The following PTPRZ1 variants were observed in gnomAD, a reference collection of about 807,000 sequenced individuals.
PTPRZ1 encodes receptor-type tyrosine-protein phosphatase zeta.
A neutral mutation model predicts 214.1 loss-of-function variants in PTPRZ1; 82 were observed. The observed-to-expected ratio is 0.38, with a 90% confidence interval of 0.32 to 0.46. The LOEUF is 0.46. PTPRZ1 is among the 20% of genes least tolerant of loss of function. The pLI, the probability that PTPRZ1 is intolerant of heterozygous loss-of-function variation, is 1.00. For missense variants in PTPRZ1, 2,603 were observed against 2,748.7 expected (o/e 0.95, Z 1.19); for synonymous variants, 945 against 987.9 (o/e 0.96, Z 0.81).
chr7:121,931,986 A>C (rs1327982706), intron 2 of PTPRZ1, among the ~76,000 whole-genome samples: 1 of 152,164 alleles, frequency 6.6e-6, no homozygotes, highest in Non-Finnish European at 1.5e-5. Context: ...GTGAGGATGG[A>C]AGCTTACCAA....
chr7:121,972,120 G>A (rs1797267357), intron 3 of PTPRZ1, among the ~76,000 whole-genome samples: 1 of 152,046 alleles, frequency 6.6e-6, no homozygotes, highest in African/African-American at 2.4e-5. Flanking sequence ...GTAGAAATGG[G>A]CTGAAAATAG....
chr7:121,968,003 A>G lies in PTPRZ1; in HGVS notation c.177A>G (p.Pro59=), dbSNP rs769734837. 4 of 1,596,878 alleles carry G rather than the reference A, an allele frequency of 2.5e-6. No individual in the cohort carries two copies. In the South Asian group the frequency reaches 4.5e-5, roughly 18 times the overall value. Residue 59 remains proline, a synonymous_variant, in exon 3 of 30, where the codon CCA becomes CCG. Coordinates refer to ENST00000393386, the MANE Select transcript of PTPRZ1 (RefSeq NM_002851.3). ...AGAAATATCCAACATGTAATAGCCCAAAACAATCTCCTATCAATATTGATG... is the reference window on the plus strand; with the variant it reads ...AGAAATATCCAACATGTAATAGCCCGAAACAATCTCCTATCAATATTGATG... ...WGKKYPTCNS[P]KQSPINIDED...
chr7:122,054,708 G>A (rs1023775438), intron 26 of PTPRZ1, among the ~76,000 whole-genome samples: 6 of 151,954 alleles, frequency 3.9e-5, no homozygotes, highest in African/African-American at 4.8e-5. Context: ...TATCATTGTT[G>A]ATAAGCTAAG....
intron 1 of PTPRZ1, among the ~76,000 whole-genome samples, chr7:121,927,410 TG>T (rs1157986696): frequency 6.6e-6 from 1 of 152,220 alleles, no homozygotes; most frequent in Non-Finnish European, 1.5e-5. Context: ...GCATGGCTCC[TG>T]GCAAAATTTT....
chr7:121,945,272 A>G (rs1796339078), intron 2 of PTPRZ1, among the ~76,000 whole-genome samples: 1 of 152,338 alleles, frequency 6.6e-6, no homozygotes, highest in East Asian at 1.9e-4. Context: ...GAAATGACTC[A>G]CAGTGACACA....
At chr7:122,033,539 G>C in intron 15 of PTPRZ1, among the ~76,000 whole-genome samples, 1 of 151,938 alleles carries the variant, frequency 6.6e-6, no homozygotes, top group South Asian at 2.1e-4. Context: ...TAAATATTTA[G>C]AGTGTTATGC....
In PTPRZ1 at chr7:122,010,781, C is replaced by T. The variant is rs376891530; in HGVS notation, c.1735C>T (p.Leu579Phe). ...EEESLLTSFK[L>F]DTGAEDSSGS... ...GGAGAGTTTATTGACCAGTTTCAAG[C>T]TTGATACTGGAGCTGAAGATTCTTC... is the stretch of plus-strand genomic sequence containing the variant. Residue 579 changes from leucine (L) to phenylalanine (F), a missense_variant, in exon 12 of 30, where the codon CTT becomes TTT. This residue lies in a region of PTPRZ1 where 1,913 missense variants were observed against 1,914.3 expected (regional missense o/e 1.00). Coordinates refer to ENST00000393386, the MANE Select transcript of PTPRZ1 (RefSeq NM_002851.3). 9.9e-6 allele frequency: 16 copies of T among 1,613,850 alleles called. No individual in the cohort carries two copies. In the East Asian group the frequency reaches 2.0e-4, roughly 20 times the overall value.
chr7:121,928,169 A>G lies in PTPRZ1; in HGVS notation c.72A>G (p.Gly24=). Residue 24 remains glycine (G), a synonymous_variant, in exon 2 of 30, where the codon GGA becomes GGG. Coordinates refer to ENST00000393386, the MANE Select transcript of PTPRZ1 (RefSeq NM_002851.3). ...LCVCRLDWAN[G]YYRQQRKLVE... ...TCTTTTTTATAGATTGGGCTAATGGATACTACAGACAACAGAGAAAACTTG... is the reference window on the plus strand; with the variant it reads ...TCTTTTTTATAGATTGGGCTAATGGGTACTACAGACAACAGAGAAAACTTG... The G allele has an allele frequency of 6.2e-7, 1 of 1,612,124 alleles. No homozygotes were observed. Among genetic ancestry groups the G allele is most frequent in the Middle Eastern group, 1.7e-4 (1 of 6,054 alleles).
intron 24 of PTPRZ1, 62 bp from the exon 25 acceptor site, chr7:122,051,804 G>T: frequency 7.1e-7 from 1 of 1,407,826 alleles, no homozygotes; most frequent in Non-Finnish European, 1.0e-6. Flanking sequence ...AGTGCTGTGA[G>T]CATGAGTTGT....
At chr7:121,965,495 G>A (rs1048509046) in intron 2 of PTPRZ1, among the ~76,000 whole-genome samples, 2 of 152,154 alleles carry the variant, frequency 1.3e-5, no homozygotes, top group Non-Finnish European at 2.9e-5. Flanking sequence ...AACCTGGTAG[G>A]TCACTTCTCC....
At chr7:121,960,229 TG>T in intron 2 of PTPRZ1, among the ~76,000 whole-genome samples, 1 of 152,186 alleles carries the variant, frequency 6.6e-6, no homozygotes, top group South Asian at 2.1e-4. Context: ...TTAGTACAGA[TG>T]GGGTTTCACT....
intron 10 of PTPRZ1, among the ~76,000 whole-genome samples, chr7:122,002,946 G>A (rs1798372721): frequency 6.6e-6 from 1 of 152,146 alleles, no homozygotes; most frequent in African/African-American, 2.4e-5. Flanking sequence ...TGTCTAATGG[G>A]CTTAATTTGA....
chr7:121,947,372 T>C (rs1426631004), intron 2 of PTPRZ1, among the ~76,000 whole-genome samples: 5 of 152,158 alleles, frequency 3.3e-5, no homozygotes, highest in African/African-American at 1.2e-4. Context: ...TAGTCCTATG[T>C]GTTGCTCTGC....
chr7:121,976,328 G>T, intron 5 of PTPRZ1, 60 bp downstream of exon 5: 1 of 1,041,914 alleles, frequency 9.6e-7, no homozygotes. Flanking sequence ...AAATATTGAC[G>T]TGAAATATCA....
At chr7:121,974,226 T>C (rs984917443) in intron 4 of PTPRZ1, among the ~76,000 whole-genome samples, 6 of 152,170 alleles carry the variant, frequency 3.9e-5, no homozygotes, top group African/African-American at 1.4e-4. Context: ...TATTCAATAT[T>C]TTTAAAGAAA....
intron 10 of PTPRZ1, among the ~76,000 whole-genome samples, chr7:122,002,029 G>T (rs934148662): frequency 6.6e-6 from 1 of 152,092 alleles, no homozygotes. Context: ...GCAGGTTTAG[G>T]GGTACCCAAT....
At chr7:121,949,635 G>A (rs529999107) in intron 2 of PTPRZ1, among the ~76,000 whole-genome samples, 2 of 152,210 alleles carry the variant, frequency 1.3e-5, no homozygotes, top group Admixed American at 6.5e-5. Context: ...ATAAGGCTCA[G>A]GAAACTACAA....
At chr7:122,044,650 G>T (rs1050274444) in intron 23 of PTPRZ1, 82 bp downstream of exon 23, 2 of 1,432,612 alleles carry the variant, frequency 1.4e-6, no homozygotes, top group Admixed American at 1.9e-5. Flanking sequence ...ACAGGGTCAC[G>T]TTGAGTGGGC....
At chr7:121,989,959 A>G (rs1797898712) in intron 8 of PTPRZ1, among the ~76,000 whole-genome samples, 1 of 152,190 alleles carries the variant, frequency 6.6e-6, no homozygotes, top group African/African-American at 2.4e-5. Flanking sequence ...ACAAAAAATG[A>G]GAGTATACCA....
Sources: allele counts gnomAD v4.1 joint callset (sites outside exome capture counted in the v4.1 genomes callset), GRCh38; gene constraint gnomAD v4.1.1; regional missense constraint gnomAD v4.1.1; transcripts MANE v1.5; gene names NCBI Gene and HGNC (gene_info 2026-07-23, HGNC 2026-07-21).